Variants in KDM4C observed in about 807,000 individuals in gnomAD.
KDM4C encodes the protein lysine demethylase 4C, also known as lysine-specific demethylase 4C.
Under a neutral mutation model 129.3 loss-of-function variants are expected in KDM4C, and 81 were observed. The ratio of observed to expected loss-of-function variants is 0.63; its 90% CI spans 0.52 to 0.75. KDM4C has a LOEUF of 0.75. KDM4C is among the 30% of genes least tolerant of loss of function. The pLI is 0.00. For missense variants in KDM4C, 1,457 were observed against 1,304.0 expected (o/e 1.12, Z -1.81); for synonymous variants, 573 against 456.1 (o/e 1.26, Z -3.26).
chr9:6,919,727 C>A (rs1821126691), intron 8 of KDM4C, among the ~76,000 whole-genome samples: 1 of 151,894 alleles, frequency 6.6e-6, no homozygotes, highest in Non-Finnish European at 1.5e-5. Flanking sequence ...AGGCGTGCAC[C>A]ACCATGCCTG....
chr9:7,013,836 G>A lies in KDM4C; in HGVS notation c.2017G>A (p.Asp673Asn), dbSNP rs1400116554. 1 of 1,613,868 alleles carries A rather than the reference G, an allele frequency of 6.2e-7. No individual in the cohort carries two copies. Among genetic ancestry groups the A allele is most frequent in the East Asian group, 2.2e-5 (1 of 44,882 alleles). Residue 673 changes from aspartate to asparagine, a missense_variant, in exon 14 of 22, where the codon GAT (aspartate) becomes AAT (asparagine). Coordinates refer to ENST00000381309, the MANE Select transcript of KDM4C (RefSeq NM_015061.6). ...ENDARWETKL[D>N]EVVTSEGKTK... ...TGATGCTAGATGGGAGACAAAATTA[G>A]ATGAAGTCGTTACATCGGAGGGAAA...
At chr9:7,122,265 A>ACACACACACACACACACTCTCTCTCT (rs375655422) in intron 18 of KDM4C, among the ~76,000 whole-genome samples, 23 of 144,812 alleles carry the variant, frequency 1.6e-4, no homozygotes, top group African/African-American at 5.7e-4. Context: ...ACACACACAC[A>ACACACACACACACACACTCTCTCTCT]CTCTCTCTCT....
At chr9:6,860,747 G>A (rs369730939) in intron 5 of KDM4C, among the ~76,000 whole-genome samples, 42 of 152,258 alleles carry the variant, frequency 2.8e-4, no homozygotes, top group East Asian at 5.8e-4. Flanking sequence ...TTACATTAAA[G>A]TTAGTGTGTT....
At chr9:7,135,515 T>C (rs1841103928) in intron 19 of KDM4C, among the ~76,000 whole-genome samples, 1 of 152,172 alleles carries the variant, frequency 6.6e-6, no homozygotes, top group Non-Finnish European at 1.5e-5. Context: ...TATTCATGGG[T>C]GAGCCTGCTT....
intron 8 of KDM4C, among the ~76,000 whole-genome samples, chr9:6,900,446 A>G (rs1364874208): frequency 1.3e-5 from 2 of 152,230 alleles, no homozygotes; most frequent in African/African-American, 4.8e-5. Context: ...TTTGGACTCT[A>G]TCTCACAATT....
intron 1 of KDM4C, among the ~76,000 whole-genome samples, chr9:6,748,175 AC>A (rs1193042940): frequency 0.025 from 1,530 of 62,376 alleles, 25 homozygotes; most frequent in African/African-American, 0.1. Flanking sequence ...CAAAAAAAAA[AC>A]AAACAAACAA....
At chr9:6,900,805 C>T (rs1357919800) in intron 8 of KDM4C, among the ~76,000 whole-genome samples, 1 of 152,116 alleles carries the variant, frequency 6.6e-6, no homozygotes, top group Non-Finnish European at 1.5e-5. Context: ...TCTACCTTCT[C>T]TTTCATTTTA....
At chr9:7,150,368 A>G (rs1842618727) in intron 19 of KDM4C, among the ~76,000 whole-genome samples, 1 of 152,206 alleles carries the variant, frequency 6.6e-6, no homozygotes, top group African/African-American at 2.4e-5. Flanking sequence ...AGTCCTGAAC[A>G]CAGTTGATGT....
chr9:7,002,627 TTTC>T (rs1820934421), intron 12 of KDM4C, among the ~76,000 whole-genome samples: 1 of 152,306 alleles, frequency 6.6e-6, no homozygotes, highest in African/African-American at 2.4e-5. Flanking sequence ...CTTTAGGAGT[TTTC>T]TTCTTCTCAT....
intron 8 of KDM4C, among the ~76,000 whole-genome samples, chr9:6,964,524 T>C (rs1323503330): frequency 6.6e-6 from 1 of 152,180 alleles, no homozygotes; most frequent in Admixed American, 6.5e-5. Flanking sequence ...AAGTCTTTGC[T>C]ATTGTGAATA....
chr9:7,134,110 A>G (rs1029782069), intron 19 of KDM4C, among the ~76,000 whole-genome samples: 1 of 152,192 alleles, frequency 6.6e-6, no homozygotes, highest in Non-Finnish European at 1.5e-5. Context: ...TTTTGGAATC[A>G]GTGGACATTT....
Position 6,759,940 on chromosome 9 carries a change from C to CAA in KDM4C, c.-18+1750_-18+1751dup, listed in dbSNP as rs1178745095. Among the ~76,000 whole-genome samples the CAA allele has an allele frequency of 3.4e-3, 267 of 78,766 alleles. 2 individuals carry two copies. The highest frequency in any genetic ancestry group is 0.012 in the African/African-American group (246 of 20,636). 51.7% of individuals were successfully genotyped at this position (78,766 alleles called of 152,430 possible). On this transcript the variant is annotated intron_variant, in intron 1 of 21. Transcript: ENST00000381309. ...TGGGTGACAGACTGAGACTCCATCT[C>CAA]AAAAAAAAAAAAAAGTAAAAATATA...
intron 17 of KDM4C, among the ~76,000 whole-genome samples, chr9:7,065,967 T>C (rs1005015277): frequency 6.7e-6 from 1 of 150,164 alleles, no homozygotes; most frequent in African/African-American, 2.4e-5. Flanking sequence ...ACCTGTTGCT[T>C]TGCGGACAAT....
chr9:6,872,095 G>A lies in KDM4C; in HGVS notation c.630-7917G>A, dbSNP rs111789879. Among the ~76,000 whole-genome samples, 465 of 152,264 alleles carry A rather than the reference G, an allele frequency of 3.1e-3. 1 individual carries two copies. The highest frequency in any genetic ancestry group is 5.0e-3 in the Non-Finnish European group (337 of 68,002). ...GAGGTTGACACCTATGTGAGTGATA[G>A]AATAATTCTTAGTCCAGCCTATAGG... On this transcript the variant is annotated intron_variant, in intron 5 of 21. Coordinates refer to ENST00000381309, the MANE Select transcript of KDM4C (RefSeq NM_015061.6).
intron 2 of KDM4C, among the ~76,000 whole-genome samples, chr9:6,805,173 AC>A (rs1383218684): frequency 6.6e-6 from 1 of 152,226 alleles, no homozygotes; most frequent in Non-Finnish European, 1.5e-5. Context: ...TGCTGGAATT[AC>A]AGGTGTGTGC....
chr9:7,127,044 G>C (rs1840097275), intron 18 of KDM4C, among the ~76,000 whole-genome samples: 2 of 152,114 alleles, frequency 1.3e-5, no homozygotes, highest in Admixed American at 1.3e-4. Flanking sequence ...TGGATGGATG[G>C]ATTGATGGAT....
At chr9:7,145,563 G>A (rs897685179) in intron 19 of KDM4C, among the ~76,000 whole-genome samples, 5 of 152,268 alleles carry the variant, frequency 3.3e-5, no homozygotes, top group Non-Finnish European at 7.4e-5. Flanking sequence ...CATACCTCTG[G>A]TGAGGAGTTT....
rs10975881 is a variant in KDM4C at position 6,899,544 on chromosome 9, T to G, written c.921+6312T>G. On this transcript the variant is annotated intron_variant, in intron 8 of 21. Coordinates refer to ENST00000381309, the MANE Select transcript of KDM4C (RefSeq NM_015061.6). ...GTCCTCTGTGCCTTTTCCATGGGGG[T>G]GTGTGTGTGTGTGTGTGTGTGTGTG... Among the ~76,000 whole-genome samples the G allele has an allele frequency of 7.9e-3, 919 of 116,740 alleles. 6 individuals carry two copies. The highest frequency in any genetic ancestry group is 0.026 in the Middle Eastern group (4 of 154). The allele number at this position is 116,740 out of a possible 152,430, so 76.6% of individuals were successfully genotyped here. A position where few individuals can be genotyped will look rare whatever the true frequency, so the allele number is the denominator to read the frequency against.
intron 8 of KDM4C, among the ~76,000 whole-genome samples, chr9:6,945,402 G>A (rs1310813479): frequency 6.6e-6 from 1 of 152,150 alleles, no homozygotes; most frequent in Non-Finnish European, 1.5e-5. Flanking sequence ...AGAGCAATTT[G>A]TGGATTATAA....
Sources: allele counts gnomAD v4.1 joint callset (sites outside exome capture counted in the v4.1 genomes callset), GRCh38; gene constraint gnomAD v4.1.1; transcripts MANE v1.5; gene names NCBI Gene and HGNC (gene_info 2026-07-23, HGNC 2026-07-21).